Variants in MRPS11 observed in about 807,000 individuals in gnomAD.
MRPS11 encodes mitochondrial ribosomal protein S11, also known as small ribosomal subunit protein uS11m.
MRPS11 carries 27 observed loss-of-function variants against 24.3 expected under a neutral mutation model. The observed-to-expected ratio is 1.11, with a 90% CI of 0.82 to 1.53. The LOEUF (loss-of-function observed/expected upper bound fraction) is 1.53, where lower values mean the gene tolerates loss of function less well. MRPS11 is among the 40% of genes most tolerant of loss of function. The probability of loss-of-function intolerance (pLI) is 0.00; values close to 1 mark genes in which losing one functional copy is unlikely to be tolerated. For missense variants in MRPS11, 277 were observed against 256.5 expected, an observed-to-expected ratio of 1.08 and a Z score of -0.55; for synonymous variants, 104 against 98.7, an observed-to-expected ratio of 1.05 and a Z score of -0.32.
chr15:88,468,481 C>A, intron 2 of MRPS11: 1 of 1,017,448 alleles, frequency 9.8e-7, no homozygotes, highest in Non-Finnish European at 1.2e-6. Flanking sequence ...GTGCCACCAC[C>A]TCTGTATGCT....
At position 88,467,994 on chromosome 15, in the gene MRPS11, A is replaced by G; in HGVS notation, c.152A>G (p.Gln51Arg). The change falls in exon 2 of 6, where the codon CAG (glutamine) becomes CGG (arginine). Residue 51 changes from glutamine to arginine, a missense_variant. Transcript: ENST00000325844. ...QDAAAKQKVEQNAAPSHTKFS... is the reference protein window; with the variant it reads ...QDAAAKQKVERNAAPSHTKFS... Reference sequence around the variant, plus strand: ...GCTGCGGCCAAGCAGAAAGTTGAACAGAACGCGGCTCCCAGCCACACCAAG... The same window carrying G: ...GCTGCGGCCAAGCAGAAAGTTGAACGGAACGCGGCTCCCAGCCACACCAAG... The G allele has an allele frequency of 6.2e-7, 1 of 1,608,478 alleles. No individual in the cohort carries two copies. Among genetic ancestry groups the G allele is most frequent in the South Asian group, 1.1e-5 (1 of 90,130 alleles).
In MRPS11 at chr15:88,477,307, C is replaced by G. The variant is rs994677015; in HGVS notation, c.477+253C>G. On this transcript the variant is annotated intron_variant, in intron 5 of 5. Transcript: ENST00000325844. The surrounding 1 kb of genome is among the most constrained non-coding windows in gnomAD (Gnocchi z 5.7). ...AATGGGAAGGTGGTTCCTGGGGGAACTGTCACAAACAAATCCCTTAGGACA... is the reference window on the plus strand; with the variant it reads ...AATGGGAAGGTGGTTCCTGGGGGAAGTGTCACAAACAAATCCCTTAGGACA... Among the ~76,000 whole-genome samples the G allele has an allele frequency of 2.0e-5, 3 of 152,258 alleles. No individual in the cohort carries two copies. The highest frequency in any genetic ancestry group is 7.2e-5 in the African/African-American group (3 of 41,466).
At position 88,467,777 on chromosome 15, in the gene MRPS11, A is replaced by G; in HGVS notation, c.60A>G (p.Thr20=). The G allele has an allele frequency of 6.2e-7, 1 of 1,614,084 alleles. No individual in the cohort carries two copies. Among genetic ancestry groups the G allele is most frequent in the Non-Finnish European group, 8.5e-7 (1 of 1,180,024 alleles). ...RFLRSWTWPQ[T]AGRVVARTPA... is the part of the protein sequence containing the mutation. ...TGCGGTCCTGGACTTGGCCCCAGACAGCCGGGTAACAAATGACTGCCCCCT... is the reference window on the plus strand; with the variant it reads ...TGCGGTCCTGGACTTGGCCCCAGACGGCCGGGTAACAAATGACTGCCCCCT... The change falls in exon 1 of 6, where the codon ACA becomes ACG. Residue 20 remains threonine (T), a synonymous_variant. Coordinates refer to ENST00000325844, the MANE Select transcript of MRPS11 (RefSeq NM_022839.5).
intron 4 of MRPS11, among the ~76,000 whole-genome samples, chr15:88,476,147 G>T (rs148198485): frequency 7.2e-5 from 11 of 152,226 alleles, no homozygotes; most frequent in African/African-American, 2.6e-4. Flanking sequence ...ATCTACATGT[G>T]CCAGACACTT....
Position 88,467,873 on chromosome 15 carries a change from TTAGGCCGTGGCCCTC to T in MRPS11, c.66-34_66-20del, listed in dbSNP as rs772468659. 10 of 1,613,328 alleles carry T rather than the reference TTAGGCCGTGGCCCTC, an allele frequency of 6.2e-6. No homozygotes were observed. The highest frequency in any genetic ancestry group is 7.6e-6 in the Non-Finnish European group (9 of 1,179,736). ...TGAGCCACCCGGGCCCCAGTGACCG[TTAGGCCGTGGCCCTC>T]ACCGAGCTTTTCTTCCCAGCAGGGT... On this transcript the variant is annotated intron_variant, in intron 1 of 5. Coordinates refer to ENST00000325844, the MANE Select transcript of MRPS11 (RefSeq NM_022839.5).
chr15:88,472,594 C>T, intron 2 of MRPS11, 33 bp from the exon 3 acceptor site: 1 of 1,543,186 alleles, frequency 6.5e-7, no homozygotes, highest in Non-Finnish European at 8.9e-7. Context: ...AAAGTCGAGA[C>T]AATTTTAAAT....
intron 2 of MRPS11, chr15:88,468,260 C>T (rs528947396): frequency 3.7e-6 from 5 of 1,355,242 alleles, no homozygotes; most frequent in East Asian, 2.9e-5. Context: ...TTCGTTAAAT[C>T]AATGAGTGAA....
intron 2 of MRPS11, among the ~76,000 whole-genome samples, chr15:88,471,266 G>A (rs1216854192): frequency 2.0e-5 from 3 of 152,156 alleles, no homozygotes; most frequent in Non-Finnish European, 4.4e-5. Flanking sequence ...CACTTCTAAG[G>A]TCAAACCCAC....
chr15:88,479,022 T>C lies in MRPS11; in HGVS notation c.*1043T>C, dbSNP rs1170344063. 1.3e-5 allele frequency: 2 copies of C among 150,286 alleles called. No homozygotes were observed. The highest frequency in any genetic ancestry group is 3.9e-4 in the East Asian group (2 of 5,140). The allele number at this position is 150,286 out of a possible 1,614,324, so 9.3% of individuals were successfully genotyped here. A position where few individuals can be genotyped will look rare whatever the true frequency, so the allele number is the denominator to read the frequency against. ...AAATATAAATAAAAATTTAAAAAAA[T>C]TAAAAAAAAAAACCTGATGATTCTC... On this transcript the variant is annotated 3_prime_UTR_variant, in exon 6 of 6. Transcript: ENST00000325844.
intron 3 of MRPS11, among the ~76,000 whole-genome samples, chr15:88,473,433 A>C (rs1420719749): frequency 6.6e-6 from 1 of 152,250 alleles, no homozygotes; most frequent in African/African-American, 2.4e-5. Flanking sequence ...AAGAGACTAC[A>C]GTCATGGGCT....
Position 88,469,724 on chromosome 15 carries a change from G to T in MRPS11, c.182+1700G>T, listed in dbSNP as rs190003911. ...GAAGCTGGGAAAAGTCCTCTAAGCA[G>T]TTAGAAGACTATTGAAATAATCCAG... On this transcript the variant is annotated intron_variant, in intron 2 of 5. Coordinates refer to ENST00000325844, the MANE Select transcript of MRPS11 (RefSeq NM_022839.5). This position sits in a 1 kb window ranked among gnomAD's most constrained non-coding sequence, Gnocchi z 4.4. Among the ~76,000 whole-genome samples the T allele has an allele frequency of 4.9e-3, 748 of 152,346 alleles. 4 individuals are homozygous for T. The highest frequency in any genetic ancestry group is 8.0e-3 in the Non-Finnish European group (543 of 68,040).
rs2055904129 is a variant in MRPS11, at chr15:88,480,210, A to G, written c.*2231A>G. On this transcript the variant is annotated 3_prime_UTR_variant, in exon 6 of 6. Coordinates refer to ENST00000325844, the MANE Select transcript of MRPS11 (RefSeq NM_022839.5). The surrounding 1 kb of genome is among the most constrained non-coding windows in gnomAD (Gnocchi z 5.1). ...TGTGGCTTCTGTAAGTCCTCCATAC[A>G]CCATAGGTTTTTATTTTGGTTTTGG... 1 of 152,096 alleles carries G rather than the reference A, an allele frequency of 6.6e-6. No individual in the cohort carries two copies. The highest frequency in any genetic ancestry group is 1.5e-5 in the Non-Finnish European group (1 of 68,046). 9.4% of individuals were successfully genotyped at this position (152,096 alleles called of 1,614,324 possible).
intron 2 of MRPS11, 71 bp from the exon 3 acceptor site, chr15:88,472,556 C>A: frequency 7.7e-7 from 1 of 1,297,366 alleles, no homozygotes; most frequent in South Asian, 1.3e-5. Context: ...TATTTTTTAA[C>A]CATGTGTTGT....
In MRPS11 at chr15:88,480,279, A is replaced by C. The variant is rs1396648540; in HGVS notation, c.*2300A>C. On this transcript the variant is annotated 3_prime_UTR_variant, in exon 6 of 6. Coordinates refer to ENST00000325844, the MANE Select transcript of MRPS11 (RefSeq NM_022839.5). The surrounding 1 kb of genome is among the most constrained non-coding windows in gnomAD (Gnocchi z 5.1). Reference sequence around the variant, plus strand: ...ACCCAGGCTGGATTGCAGTGGTACGACCATGGTTCACTGCAGCCTCAAACT... The same window carrying C: ...ACCCAGGCTGGATTGCAGTGGTACGCCCATGGTTCACTGCAGCCTCAAACT... 6.6e-6 allele frequency: 1 copy of C among 152,216 alleles called. No individual in the cohort carries two copies. The highest frequency in any genetic ancestry group is 1.5e-5 in the Non-Finnish European group (1 of 68,054). 9.4% of individuals were successfully genotyped at this position (152,216 alleles called of 1,614,324 possible).
intron 2 of MRPS11, 115 bp from the exon 3 acceptor site, chr15:88,472,512 G>A: frequency 2.6e-6 from 2 of 774,750 alleles, no homozygotes; most frequent in Non-Finnish European, 4.2e-6. Flanking sequence ...GGTGGGGGCA[G>A]CCACTTAAGA....
At chr15:88,474,198 AAAGAG>A (rs1362495658) in intron 3 of MRPS11, among the ~76,000 whole-genome samples, 4 of 149,468 alleles carry the variant, frequency 2.7e-5, no homozygotes, top group African/African-American at 1.0e-4. Context: ...AAAAAGAAAA[AAAGAG>A]AAAAGTTTTA....
chr15:88,475,093 T>G lies in MRPS11; in HGVS notation c.282-17T>G, dbSNP rs371036259. ...GAAGAAGAGTTGTATCCTATGTGCT[T>G]CTTCTACTTTTCTCAGCACACAGAT... On this transcript the variant is annotated splice_polypyrimidine_tract_variant and intron_variant, in intron 3 of 5. Transcript: ENST00000325844. The surrounding 1 kb of genome is among the most constrained non-coding windows in gnomAD (Gnocchi z 4.1). The G allele has an allele frequency of 1.3e-3, 2,074 of 1,613,378 alleles. 2 individuals carry two copies. The highest frequency in any genetic ancestry group is 1.5e-3 in the Non-Finnish European group (1,825 of 1,179,392).
Position 88,477,853 on chromosome 15 carries a change from T to A in MRPS11, c.478-19T>A. 3 of 1,607,930 alleles carry A rather than the reference T, an allele frequency of 1.9e-6. No individual in the cohort carries two copies. Among genetic ancestry groups the A allele is most frequent in the Non-Finnish European group, 2.6e-6 (3 of 1,174,490 alleles). On this transcript the variant is annotated intron_variant, in intron 5 of 5. Transcript: ENST00000325844. The surrounding 1 kb of genome is among the most constrained non-coding windows in gnomAD (Gnocchi z 5.7). Reference sequence around the variant, plus strand: ...TTTCTGGGACCATGTCATTCTACTTTTCCTTCTGTTCCTTCCAGTCTGCCA... The same window carrying A: ...TTTCTGGGACCATGTCATTCTACTTATCCTTCTGTTCCTTCCAGTCTGCCA...
At chr15:88,472,474 G>A in intron 2 of MRPS11, 153 bp from the exon 3 acceptor site, 4 of 609,706 alleles carry the variant, frequency 6.6e-6, no homozygotes, top group Non-Finnish European at 1.2e-5. Context: ...CACATGCGGT[G>A]GTGGCACCAG....
Sources: allele counts gnomAD v4.1 joint callset (sites outside exome capture counted in the v4.1 genomes callset), GRCh38; gene constraint gnomAD v4.1.1; non-coding constraint Gnocchi (gnomAD v3.1); transcripts MANE v1.5; gene names NCBI Gene and HGNC (gene_info 2026-07-23, HGNC 2026-07-21).